The following SV2C variants were observed in gnomAD, a reference collection of about 807,000 sequenced individuals.
SV2C encodes synaptic vesicle glycoprotein 2C.
In SV2C, 49 loss-of-function variants were observed where a neutral mutation model predicts 79.7. The observed-to-expected ratio is 0.61, with a 90% CI of 0.49 to 0.78. The LOEUF is 0.78. Among genes scored for constraint, SV2C ranks in the 30% least tolerant of loss-of-function variants. The pLI is 0.00. For synonymous variants in SV2C, 334 were observed against 333.2 expected (o/e 1.00, Z -0.03); for missense variants, 833 against 912.9 (o/e 0.91, Z 1.13).
At chr5:76,316,810 A>G (rs560658215) in intron 12 of SV2C, among the ~76,000 whole-genome samples, 3 of 152,182 alleles carry the variant, frequency 2.0e-5, no homozygotes, top group Non-Finnish European at 2.9e-5. Flanking sequence ...CCCCCTGAGA[A>G]GCTTTCCTTC....
the SV2C span, among the ~76,000 whole-genome samples, chr5:75,867,309 G>T: frequency 6.6e-6 from 1 of 152,166 alleles, no homozygotes; most frequent in Non-Finnish European, 1.5e-5. Context: ...GATGCAACAG[G>T]GGTCAGAGCC....
chr5:76,107,947 G>A (rs1202142344), intron 1 of SV2C, among the ~76,000 whole-genome samples: 5 of 152,102 alleles, frequency 3.3e-5, no homozygotes, highest in African/African-American at 9.7e-5. Context: ...TCTTGAAGTC[G>A]GTAAAATATC....
intron 4 of SV2C, among the ~76,000 whole-genome samples, chr5:76,267,990 G>T (rs1375216653): frequency 6.6e-6 from 1 of 152,190 alleles, no homozygotes; most frequent in Non-Finnish European, 1.5e-5. Flanking sequence ...TCCTAAGTGG[G>T]ACATTTCTAG....
rs146762596 is a variant in SV2C at position 76,230,002 on chromosome 5, C to T, written c.913+20115C>T. On this transcript the variant is annotated intron_variant, in intron 4 of 12. Coordinates refer to ENST00000502798, the MANE Select transcript of SV2C (RefSeq NM_014979.4). Reference sequence around the variant, plus strand: ...AAGTCATGAGTAAGGATGTTCACAACATGTTGTTTGTGAAAGGAGAGAGTT... The same window carrying T: ...AAGTCATGAGTAAGGATGTTCACAATATGTTGTTTGTGAAAGGAGAGAGTT... 7.9e-3 allele frequency among the ~76,000 whole-genome samples: 1,199 copies of T among 152,318 alleles called. 9 individuals are homozygous for T. Among genetic ancestry groups the T allele is most frequent in the Middle Eastern group, 0.065 (19 of 294 alleles).
chr5:75,927,868 G>GT, the SV2C span, among the ~76,000 whole-genome samples: 2 of 152,174 alleles, frequency 1.3e-5, no homozygotes. Context: ...AAAAGAAAGG[G>GT]TGAGAGAGCA....
At chr5:76,167,934 T>C (rs188074393) in intron 2 of SV2C, among the ~76,000 whole-genome samples, 1 of 152,364 alleles carries the variant, frequency 6.6e-6, no homozygotes, top group East Asian at 1.9e-4. Context: ...AAACAGCTTC[T>C]AATCTAGAGA....
chr5:76,152,826 G>A (rs1742591325), intron 2 of SV2C, among the ~76,000 whole-genome samples: 1 of 152,222 alleles, frequency 6.6e-6, no homozygotes, highest in Non-Finnish European at 1.5e-5. Flanking sequence ...AGGTAGGGAT[G>A]TAGGCAGTTA....
At chr5:75,867,810 C>T in the SV2C span, among the ~76,000 whole-genome samples, 19 of 152,176 alleles carry the variant, frequency 1.2e-4, no homozygotes, top group Non-Finnish European at 1.9e-4. Context: ...CCTGTTTTTA[C>T]CTCTCTCAGC....
Position 76,301,537 on chromosome 5 carries a change from A to G in SV2C, c.1992A>G (p.Thr664=). 1 of 1,612,264 alleles carries G rather than the reference A, an allele frequency of 6.2e-7. No individual in the cohort carries two copies. Among genetic ancestry groups the G allele is most frequent in the Non-Finnish European group, 8.5e-7 (1 of 1,178,854 alleles). The change falls in exon 12 of 13, where the codon ACA becomes ACG. Residue 664 remains threonine, a synonymous_variant. Coordinates refer to ENST00000502798, the MANE Select transcript of SV2C (RefSeq NM_014979.4). ...TGGTCACTGTGGAACTGTACCCCAC[A>G]GACCGGAGGTATGTTGAAATGGGCC... ...LDVVTVELYP[T]DRRATGFGFL... is the part of the protein sequence containing the mutation.
At chr5:75,899,629 T>C in the SV2C span, among the ~76,000 whole-genome samples, 11 of 152,238 alleles carry the variant, frequency 7.2e-5, no homozygotes, top group Non-Finnish European at 1.5e-4. Flanking sequence ...CTTGTTAACT[T>C]TCTGTCTCGT....
Position 76,312,133 on chromosome 5 carries a change from A to T in SV2C, c.2000+10588A>T, listed in dbSNP as rs534007301. ...GTGTAGGCCTGTTCCAGCTCATTCC[A>T]GTTCTAGGTTTTGGCCTTTATGTTT... On this transcript the variant is annotated intron_variant, in intron 12 of 12. Transcript: ENST00000502798. Among the ~76,000 whole-genome samples, 28 of 151,982 alleles carry T rather than the reference A, an allele frequency of 1.8e-4. No individual in the cohort carries two copies. In the South Asian group the frequency reaches 5.2e-3, roughly 28 times the overall value.
chr5:76,321,905 A>G lies in SV2C; in HGVS notation c.2001-3459A>G, dbSNP rs1180421856. On this transcript the variant is annotated intron_variant, in intron 12 of 12. Coordinates refer to ENST00000502798, the MANE Select transcript of SV2C (RefSeq NM_014979.4). ...TAAAGAGAGGGAACAAGATCTTCCT[A>G]GGCCCACAATTGATTCTCTTCTGTC... is the stretch of plus-strand genomic sequence containing the variant. Among the ~76,000 whole-genome samples, 7 of 152,266 alleles carry G rather than the reference A, an allele frequency of 4.6e-5. 1 individual carries two copies. In the East Asian group the frequency reaches 1.3e-3, roughly 29 times the overall value.
the SV2C span, among the ~76,000 whole-genome samples, chr5:76,052,529 A>G: frequency 6.6e-6 from 1 of 152,216 alleles, no homozygotes; most frequent in Non-Finnish European, 1.5e-5. Context: ...TGTGACTACC[A>G]GGGACTTGGG....
the SV2C span, among the ~76,000 whole-genome samples, chr5:76,070,642 T>C: frequency 1.3e-5 from 2 of 152,290 alleles, no homozygotes; most frequent in East Asian, 1.9e-4. Context: ...AAAAATGATA[T>C]GGTACCAAAA....
intron 2 of SV2C, among the ~76,000 whole-genome samples, chr5:76,138,978 G>A (rs1749161381): frequency 6.6e-6 from 1 of 152,116 alleles, no homozygotes; most frequent in African/African-American, 2.4e-5. Context: ...AATTAGTCGG[G>A]TGTGGTAGCG....
intron 12 of SV2C, among the ~76,000 whole-genome samples, chr5:76,301,943 C>T (rs866331674): frequency 1.1e-4 from 16 of 145,646 alleles, no homozygotes; most frequent in Middle Eastern, 7.2e-3. Context: ...CAAACTGTCA[C>T]TTCCCCAGGA....
intron 12 of SV2C, among the ~76,000 whole-genome samples, chr5:76,307,545 G>A (rs1417342631): frequency 2.0e-5 from 3 of 152,132 alleles, no homozygotes; most frequent in African/African-American, 7.2e-5. Context: ...CTGTGGCCTA[G>A]GTGCAGGAGA....
chr5:76,026,523 C>T, the SV2C span, among the ~76,000 whole-genome samples: 1 of 152,142 alleles, frequency 6.6e-6, no homozygotes, highest in Non-Finnish European at 1.5e-5. Context: ...CAAGGTCTGC[C>T]ATCCTTATCC....
chr5:76,159,379 C>G (rs951119101), intron 2 of SV2C, among the ~76,000 whole-genome samples: 1 of 152,042 alleles, frequency 6.6e-6, no homozygotes, highest in African/African-American at 2.4e-5. Flanking sequence ...TATGGAAAAT[C>G]CCAGGGACTC....
Sources: allele counts gnomAD v4.1 joint callset (sites outside exome capture counted in the v4.1 genomes callset), GRCh38; gene constraint gnomAD v4.1.1; transcripts MANE v1.5; gene names NCBI Gene and HGNC (gene_info 2026-07-23, HGNC 2026-07-21).